EIPR1: variants seen among roughly 807,000 people sequenced by gnomAD.
EIPR1 encodes the protein EARP and GARP complex-interacting protein 1.
In EIPR1, 25 loss-of-function variants were observed where a neutral mutation model predicts 48.1. The ratio of observed to expected loss-of-function variants is 0.52; its 90% CI spans 0.38 to 0.73. EIPR1 has a LOEUF of 0.73. EIPR1 is among the 30% of genes least tolerant of loss of function. The pLI, the probability that EIPR1 is intolerant of heterozygous loss-of-function variation, is 0.00. For synonymous variants in EIPR1, 204 were observed against 201.9 expected, an observed-to-expected ratio of 1.01 and a Z score of -0.09; for missense variants, 415 against 506.2, an observed-to-expected ratio of 0.82 and a Z score of 1.73.
At position 3,203,971 on chromosome 2, in the gene EIPR1, C is replaced by G. The variant is rs576603414; in HGVS notation, c.517-6954G>C. 2.5e-4 allele frequency among the ~76,000 whole-genome samples: 38 copies of G among 152,222 alleles called. 1 individual carries two copies. Among genetic ancestry groups the G allele is most frequent in the Admixed American group, 1.3e-4 (2 of 15,290 alleles). Reference sequence around the variant, plus strand: ...GCGAGGGAGGCTTCAAGCAGAGGACCTAGCTGAGGTGTGCTTGGATTCCAG... The same window carrying G: ...GCGAGGGAGGCTTCAAGCAGAGGACGTAGCTGAGGTGTGCTTGGATTCCAG... On this transcript the variant is annotated intron_variant, in intron 5 of 8. Transcript: ENST00000382125.
At chr2:3,222,708 C>T (rs956354839) in intron 4 of EIPR1, among the ~76,000 whole-genome samples, 5 of 152,102 alleles carry the variant, frequency 3.3e-5, no homozygotes, top group Non-Finnish European at 7.4e-5. Context: ...GAGGCCTGGG[C>T]GTGGAGGGCC....
intron 2 of EIPR1, among the ~76,000 whole-genome samples, chr2:3,347,135 G>A (rs1032674193): frequency 2.6e-5 from 4 of 152,006 alleles, no homozygotes; most frequent in Non-Finnish European, 4.4e-5. Context: ...TGAGGCCGTC[G>A]CAGAAGCAGA....
intron 5 of EIPR1, among the ~76,000 whole-genome samples, chr2:3,202,436 T>C (rs952068285): frequency 2.0e-5 from 3 of 152,236 alleles, no homozygotes; most frequent in African/African-American, 4.8e-5. Context: ...GCAGATATAA[T>C]GAAAAGGCTG....
intron 1 of EIPR1, among the ~76,000 whole-genome samples, chr2:3,376,083 T>C (rs1659868385): frequency 6.6e-6 from 1 of 151,844 alleles, no homozygotes; most frequent in Admixed American, 6.6e-5. Flanking sequence ...GAGACCAGCC[T>C]GGGCAACATG....
At chr2:3,270,241 C>T (rs1403624766) in intron 3 of EIPR1, among the ~76,000 whole-genome samples, 5 of 152,248 alleles carry the variant, frequency 3.3e-5, no homozygotes, top group East Asian at 1.9e-4. Context: ...TGTGCCCACA[C>T]GGGTGCTCGC....
At chr2:3,231,004 G>A (rs973219495) in intron 4 of EIPR1, among the ~76,000 whole-genome samples, 5 of 152,166 alleles carry the variant, frequency 3.3e-5, no homozygotes, top group Non-Finnish European at 7.4e-5. Flanking sequence ...CCATTGGTTT[G>A]CATCTTCTTC....
intron 5 of EIPR1, among the ~76,000 whole-genome samples, chr2:3,200,616 C>T (rs965621982): frequency 2.1e-5 from 3 of 142,762 alleles, no homozygotes; most frequent in Admixed American, 6.9e-5. Context: ...TGTGGGGCCT[C>T]GGGAAGCCTG....
chr2:3,266,200 T>C (rs1373136019), intron 3 of EIPR1, among the ~76,000 whole-genome samples: 6 of 152,170 alleles, frequency 3.9e-5, no homozygotes, highest in Non-Finnish European at 7.4e-5. Flanking sequence ...GGGCGAACAA[T>C]GCCCTGCCTG....
intron 4 of EIPR1, among the ~76,000 whole-genome samples, chr2:3,223,173 T>A (rs1400495528): frequency 6.6e-6 from 1 of 152,204 alleles, no homozygotes; most frequent in Non-Finnish European, 1.5e-5. Context: ...TGTGGCCTAC[T>A]TCCTATCACT....
intron 1 of EIPR1, among the ~76,000 whole-genome samples, chr2:3,369,328 G>T (rs571481067): frequency 4.9e-4 from 74 of 152,342 alleles, no homozygotes; most frequent in African/African-American, 1.7e-3. Context: ...GGTGATTTCT[G>T]CATTTCCATA....
Position 3,352,213 on chromosome 2 carries a change from T to A in EIPR1, c.126+2337A>T, listed in dbSNP as rs149256381. Among the ~76,000 whole-genome samples the A allele has an allele frequency of 2.6e-3, 382 of 144,664 alleles. 6 individuals carry two copies. Among genetic ancestry groups the A allele is most frequent in the African/African-American group, 9.5e-3 (363 of 38,238 alleles). The allele number at this position is 144,664 out of a possible 152,430, so 94.9% of individuals were successfully genotyped here. On this transcript the variant is annotated intron_variant, in intron 2 of 8. Coordinates refer to ENST00000382125, the MANE Select transcript of EIPR1 (RefSeq NM_003310.5). ...GCATATCCATGCTACAGAAGCGACC[T>A]GCCCCTGAGCCATCCATACTGTCTG...
chr2:3,290,914 C>T (rs139606621), intron 3 of EIPR1, among the ~76,000 whole-genome samples: 139 of 152,316 alleles, frequency 9.1e-4, no homozygotes, highest in African/African-American at 2.9e-3. Context: ...TATTTTATCT[C>T]GTGGTGCTCC....
intron 3 of EIPR1, among the ~76,000 whole-genome samples, chr2:3,277,280 C>T (rs1414690937): frequency 3.3e-5 from 5 of 152,152 alleles, no homozygotes; most frequent in African/African-American, 1.2e-4. Context: ...CCACACCTGT[C>T]TCCACTCACA....
At chr2:3,362,159 G>T (rs1572485841) in intron 1 of EIPR1, among the ~76,000 whole-genome samples, 2 of 152,066 alleles carry the variant, frequency 1.3e-5, no homozygotes, top group African/African-American at 4.8e-5. Flanking sequence ...TCCCTCCCCA[G>T]TCCCACCAGC....
chr2:3,213,762 T>C (rs776100074), intron 5 of EIPR1, among the ~76,000 whole-genome samples: 2 of 152,340 alleles, frequency 1.3e-5, no homozygotes, highest in South Asian at 2.1e-4. Flanking sequence ...GATGATTCAG[T>C]CTGTTCATTA....
chr2:3,285,909 A>G (rs545283009), intron 3 of EIPR1, among the ~76,000 whole-genome samples: 1 of 148,242 alleles, frequency 6.7e-6, no homozygotes, highest in African/African-American at 2.5e-5. Flanking sequence ...CCTCGCATGG[A>G]GCAGAAGTCA....
chr2:3,365,924 A>G (rs1389437866), intron 1 of EIPR1, among the ~76,000 whole-genome samples: 4 of 126,320 alleles, frequency 3.2e-5, no homozygotes, highest in Non-Finnish European at 7.3e-5. Context: ...TGGGGGAGTC[A>G]GCCCCCCGCC....
chr2:3,224,715 T>C (rs1225462700), intron 4 of EIPR1, among the ~76,000 whole-genome samples: 1 of 152,192 alleles, frequency 6.6e-6, no homozygotes, highest in Non-Finnish European at 1.5e-5. Context: ...ATCTCCCTAA[T>C]TCAAATGCAA....
intron 3 of EIPR1, among the ~76,000 whole-genome samples, chr2:3,322,070 A>G (rs893121874): frequency 1.3e-5 from 2 of 152,212 alleles, no homozygotes; most frequent in African/African-American, 2.4e-5. Context: ...ACCTGGGCCC[A>G]GGGCATATTC....
Sources: gnomAD v4.1 joint callset for allele counts (sites outside exome capture counted in the v4.1 genomes callset) on GRCh38, gnomAD v4.1.1 for gene constraint, MANE v1.5 for transcripts, NCBI Gene and HGNC (gene_info 2026-07-23, HGNC 2026-07-21) for gene names.